SHLD2: variants seen among roughly 807,000 people sequenced by gnomAD.
SHLD2 encodes the protein RINN1-REV7-interacting novel NHEJ regulator 2.
In SHLD2, 30 loss-of-function variants were observed where a neutral mutation model predicts 73.2. The observed-to-expected ratio is 0.41, with a 90% confidence interval of 0.31 to 0.56. The LOEUF (loss-of-function observed/expected upper bound fraction) is 0.56, where lower values mean the gene tolerates loss of function less well. SHLD2 is among the 20% of genes least tolerant of loss of function. The probability of loss-of-function intolerance (pLI) is 0.28; values close to 1 mark genes in which losing one functional copy is unlikely to be tolerated. For missense variants in SHLD2, 745 were observed against 1,055.9 expected, an observed-to-expected ratio of 0.71 and a Z score of 4.08; for synonymous variants, 285 against 370.1, an observed-to-expected ratio of 0.77 and a Z score of 2.64.
chr10:87,164,827 G>A (rs2134475938), intron 4 of SHLD2, among the ~76,000 whole-genome samples: 1 of 152,048 alleles, frequency 6.6e-6, no homozygotes, highest in Middle Eastern at 3.4e-3. Context: ...CTAACCAGAG[G>A]GGAAGAGAGA....
At chr10:87,187,244 T>C in intron 9 of SHLD2, 44 bp downstream of exon 9, 1 of 1,112,800 alleles carries the variant, frequency 9.0e-7, no homozygotes, top group South Asian at 1.2e-5. Flanking sequence ...TATTCAGGAG[T>C]ATAAATGGTA....
intron 2 of SHLD2, among the ~76,000 whole-genome samples, chr10:87,097,499 T>C (rs1384206831): frequency 1.3e-5 from 2 of 152,080 alleles, no homozygotes; most frequent in Non-Finnish European, 1.5e-5. Context: ...TCCAGCTACT[T>C]GGGAGAACCA....
intron 2 of SHLD2, among the ~76,000 whole-genome samples, chr10:87,117,400 C>G (rs773718713): frequency 6.6e-6 from 1 of 152,058 alleles, no homozygotes; most frequent in Non-Finnish European, 1.5e-5. Flanking sequence ...GCCTGGGCAA[C>G]GAGTGAAACT....
At chr10:87,126,260 T>C (rs1226735097) in intron 2 of SHLD2, among the ~76,000 whole-genome samples, 1 of 152,134 alleles carries the variant, frequency 6.6e-6, no homozygotes, top group Non-Finnish European at 1.5e-5. Flanking sequence ...TAAATTTTTT[T>C]GTAGGGATGG....
chr10:87,158,115 A>T lies in SHLD2; in HGVS notation c.1593A>T (p.Leu531Phe), dbSNP rs778007749. ...TACAATCAACATTTAGCAGTCAGTT[A>T]TTAAATCTTGGGAGTTATTCATCTA... ...TVLQSTFSSQ[L>F]LNLGSYSSIQ... The change falls in exon 4 of 10, where the codon TTA becomes TTT. Residue 531 changes from leucine (L) to phenylalanine (F), a missense_variant. Transcript: ENST00000298786. 17 of 1,611,490 alleles carry T rather than the reference A, an allele frequency of 1.1e-5. No individual in the cohort carries two copies. Among genetic ancestry groups the T allele is most frequent in the Non-Finnish European group, 1.4e-5 (16 of 1,179,580 alleles).
intron 2 of SHLD2, among the ~76,000 whole-genome samples, chr10:87,138,673 A>G (rs1348547140): frequency 1.3e-5 from 2 of 152,242 alleles, no homozygotes; most frequent in African/African-American, 4.8e-5. Flanking sequence ...AATCTCTAGA[A>G]CAAGCACTAA....
chr10:87,156,109 C>T (rs1846406960), intron 3 of SHLD2, among the ~76,000 whole-genome samples: 1 of 150,946 alleles, frequency 6.6e-6, no homozygotes, highest in African/African-American at 2.4e-5. Flanking sequence ...CTCTGTTGCC[C>T]AGGCTGGAGT....
At chr10:87,112,219 C>T (rs1472874230) in intron 2 of SHLD2, among the ~76,000 whole-genome samples, 14 of 141,804 alleles carry the variant, frequency 9.9e-5, no homozygotes, top group Non-Finnish European at 1.4e-4. Flanking sequence ...GCCTGGGCGA[C>T]AGAGCGAGAC....
upstream of SHLD2, chr10:87,094,693 G>A (rs761476017): frequency 5.3e-6 from 8 of 1,497,978 alleles, 1 homozygote; most frequent in South Asian, 3.8e-5. This position sits in a 1 kb window ranked among gnomAD's most constrained non-coding sequence, Gnocchi z 6.6. Flanking sequence ...CAACGCGGCC[G>A]AGTCGGCGGA....
chr10:87,181,324 T>G (rs996723141), intron 8 of SHLD2, among the ~76,000 whole-genome samples: 1 of 151,432 alleles, frequency 6.6e-6, no homozygotes, highest in Non-Finnish European at 1.5e-5. Flanking sequence ...GATCGATTGT[T>G]ACAGTGAGCT....
At chr10:87,107,856 T>C (rs180912288) in intron 2 of SHLD2, among the ~76,000 whole-genome samples, 198 of 151,854 alleles carry the variant, frequency 1.3e-3, no homozygotes, top group Middle Eastern at 3.4e-3. Context: ...TTCTTTCTTT[T>C]TTTTTTATTT....
At chr10:87,103,827 A>G (rs1345836998) in intron 2 of SHLD2, among the ~76,000 whole-genome samples, 1 of 152,222 alleles carries the variant, frequency 6.6e-6, no homozygotes, top group Non-Finnish European at 1.5e-5. Context: ...ACAGTCAACA[A>G]AGGTTTATCA....
At chr10:87,133,424 T>A (rs969842786) in intron 2 of SHLD2, among the ~76,000 whole-genome samples, 1 of 152,196 alleles carries the variant, frequency 6.6e-6, no homozygotes, top group African/African-American at 2.4e-5. Flanking sequence ...TCTATTATGT[T>A]TAATCATCAA....
chr10:87,175,792 G>A (rs1325688836), intron 6 of SHLD2, 97 bp from the exon 7 acceptor site: 7 of 1,212,706 alleles, frequency 5.8e-6, no homozygotes, highest in East Asian at 5.1e-5. Flanking sequence ...TAAAAGATTA[G>A]ATTCAACTGA....
At chr10:87,139,960 G>T (rs943286392) in intron 2 of SHLD2, among the ~76,000 whole-genome samples, 1 of 152,124 alleles carries the variant, frequency 6.6e-6, no homozygotes, top group African/African-American at 2.4e-5. Flanking sequence ...AAATGTGAAG[G>T]TATAGCAGTA....
chr10:87,186,289 G>A (rs554314781), intron 8 of SHLD2, among the ~76,000 whole-genome samples: 52 of 152,298 alleles, frequency 3.4e-4, no homozygotes, highest in African/African-American at 1.2e-3. Context: ...CCCCGCTAAT[G>A]AGCCTGTTTC....
intron 8 of SHLD2, among the ~76,000 whole-genome samples, chr10:87,184,674 C>T (rs561843938): frequency 5.3e-5 from 8 of 152,250 alleles, no homozygotes; most frequent in South Asian, 4.2e-4. Context: ...ACTCCCCTGT[C>T]GTCCAGCACT....
Position 87,175,875 on chromosome 10 carries a change from C to G in SHLD2, c.1964-14C>G. 1 of 1,547,920 alleles carries G rather than the reference C, an allele frequency of 6.5e-7. No homozygotes were observed. The highest frequency in any genetic ancestry group is 2.4e-5 in the East Asian group (1 of 40,842). ...TCCTTTTTGGTGACTTTTGTTTTTA[C>G]TGTTTTTTTTAAGGTTATATTTGGG... On this transcript the variant is annotated splice_polypyrimidine_tract_variant and intron_variant, in intron 6 of 9. Coordinates refer to ENST00000298786, the MANE Select transcript of SHLD2 (RefSeq NM_001330112.2).
At chr10:87,158,808 C>T (rs1408288486) in intron 4 of SHLD2, among the ~76,000 whole-genome samples, 1 of 152,180 alleles carries the variant, frequency 6.6e-6, no homozygotes, top group Non-Finnish European at 1.5e-5. Flanking sequence ...GTTATGGTCA[C>T]TGGACTCAGA....
Sources: gnomAD v4.1 joint callset for allele counts (sites outside exome capture counted in the v4.1 genomes callset) on GRCh38, gnomAD v4.1.1 for gene constraint, Gnocchi (gnomAD v3.1) non-coding constraint, MANE v1.5 for transcripts, NCBI Gene and HGNC (gene_info 2026-07-23, HGNC 2026-07-21) for gene names.